SORCS3: variants seen among roughly 807,000 people sequenced by gnomAD.
SORCS3 encodes VPS10 domain-containing receptor SorCS3.
In SORCS3, 57 loss-of-function variants were observed where a neutral mutation model predicts 146.3. The ratio of observed to expected loss-of-function variants is 0.39; its 90% CI spans 0.31 to 0.49. The LOEUF (loss-of-function observed/expected upper bound fraction) is 0.49. SORCS3 is among the 20% of genes least tolerant of loss of function. The probability of loss-of-function intolerance (pLI) is 0.92; values close to 1 mark genes in which losing one functional copy is unlikely to be tolerated. For missense variants in SORCS3, 1,341 were observed against 1,575.5 expected (o/e 0.85, Z 2.52); for synonymous variants, 653 against 618.5 (o/e 1.06, Z -0.83).
intron 2 of SORCS3, among the ~76,000 whole-genome samples, chr10:104,885,212 G>C (rs1239780022): frequency 6.6e-6 from 1 of 152,122 alleles, no homozygotes; most frequent in South Asian, 2.1e-4. Flanking sequence ...CAGCCTGGTG[G>C]AACACTGATG....
chr10:104,741,949 C>T (rs558847935), intron 1 of SORCS3, among the ~76,000 whole-genome samples: 9 of 151,898 alleles, frequency 5.9e-5, no homozygotes, highest in South Asian at 4.2e-4. Context: ...AGTGTTGGCA[C>T]GTATTGTCTT....
chr10:105,203,177 T>C (rs1201864944), intron 16 of SORCS3, among the ~76,000 whole-genome samples: 1 of 152,186 alleles, frequency 6.6e-6, no homozygotes, highest in Non-Finnish European at 1.5e-5. Flanking sequence ...CTTAAACTCA[T>C]ACCTAGGAAA....
Position 105,201,212 on chromosome 10 carries a change from G to T in SORCS3, c.2220G>T (p.Val740=). The T allele has an allele frequency of 6.2e-7, 1 of 1,611,518 alleles. No homozygotes were observed. Among genetic ancestry groups the T allele is most frequent in the Non-Finnish European group, 8.5e-7 (1 of 1,178,812 alleles). The change falls in exon 16 of 27, where the codon GTG becomes GTT. Residue 740 remains valine (V), a synonymous_variant. Transcript: ENST00000369701. ...TGGGCCGAGACCACTCAGGATCAGT[G>T]GTCTCAGAACCCTGTGTCTGTGCCA... ...CALGRDHSGS[V]VSEPCVCANW... is the part of the protein sequence containing the mutation.
chr10:104,686,850 C>G (rs1459433871), intron 1 of SORCS3, among the ~76,000 whole-genome samples: 1 of 152,154 alleles, frequency 6.6e-6, no homozygotes, highest in Non-Finnish European at 1.5e-5. Context: ...TTCATTCATC[C>G]ACCTACCCAT....
chr10:104,777,155 T>A (rs932968936), intron 1 of SORCS3, among the ~76,000 whole-genome samples: 1 of 151,928 alleles, frequency 6.6e-6, no homozygotes, highest in African/African-American at 2.4e-5. Flanking sequence ...GTTGGGAGAG[T>A]TGGCTGGAAA....
At chr10:104,797,713 T>A (rs2133505840) in intron 1 of SORCS3, among the ~76,000 whole-genome samples, 1 of 152,260 alleles carries the variant, frequency 6.6e-6, no homozygotes, top group East Asian at 1.9e-4. Context: ...TCAAGACTGA[T>A]CTCTATATAT....
At chr10:104,929,291 C>T (rs1180821553) in intron 3 of SORCS3, among the ~76,000 whole-genome samples, 1 of 152,140 alleles carries the variant, frequency 6.6e-6, no homozygotes, top group Non-Finnish European at 1.5e-5. Flanking sequence ...GGCTTTTCAC[C>T]AGTTAAATGA....
chr10:105,230,116 G>A (rs538297736), intron 20 of SORCS3, among the ~76,000 whole-genome samples: 1 of 152,238 alleles, frequency 6.6e-6, no homozygotes, highest in South Asian at 2.1e-4. Flanking sequence ...CCAACCTCAG[G>A]TGTCTGGGAG....
At chr10:105,044,552 C>T (rs1423328181) in intron 5 of SORCS3, among the ~76,000 whole-genome samples, 1 of 152,078 alleles carries the variant, frequency 6.6e-6, no homozygotes, top group Non-Finnish European at 1.5e-5. Context: ...ATGGTGGTAA[C>T]AAATACCTTG....
chr10:104,826,969 T>A (rs1369869758), intron 1 of SORCS3, among the ~76,000 whole-genome samples: 2 of 152,206 alleles, frequency 1.3e-5, no homozygotes, highest in Non-Finnish European at 2.9e-5. Context: ...ACTGCTTTCT[T>A]TTCTCATCTG....
At chr10:104,990,500 A>G (rs867753282) in intron 4 of SORCS3, among the ~76,000 whole-genome samples, 2 of 152,110 alleles carry the variant, frequency 1.3e-5, no homozygotes. Context: ...TGTGAGGTCA[A>G]GGATGGGGAT....
chr10:105,093,432 A>G (rs1036674633), intron 6 of SORCS3, among the ~76,000 whole-genome samples: 1 of 152,184 alleles, frequency 6.6e-6, no homozygotes, highest in Non-Finnish European at 1.5e-5. Context: ...GCTTCATCAA[A>G]ATTTACAACT....
chr10:104,779,764 C>T (rs1009398693), intron 1 of SORCS3, among the ~76,000 whole-genome samples: 5 of 152,102 alleles, frequency 3.3e-5, no homozygotes, highest in African/African-American at 9.7e-5. Flanking sequence ...CTGTACCTCC[C>T]GGTGACTATG....
rs531399104 is a variant in SORCS3, at chr10:104,939,172, G to A, written c.795+23240G>A. On this transcript the variant is annotated intron_variant, in intron 3 of 26. Transcript: ENST00000369701. The stretch of plus-strand genomic sequence containing the variant: ...TAGTACCTCTGGCTGGAGGAGACGA[G>A]GAAGGAGGAGTAAAGGAGACATTTA... 4.6e-5 allele frequency among the ~76,000 whole-genome samples: 7 copies of A among 152,324 alleles called. No individual in the cohort carries two copies. The South Asian group carries it at 1.4e-3, about 32-fold the overall frequency.
intron 4 of SORCS3, among the ~76,000 whole-genome samples, chr10:105,017,420 A>G (rs1341000693): frequency 6.6e-6 from 1 of 152,202 alleles, no homozygotes; most frequent in Non-Finnish European, 1.5e-5. Flanking sequence ...AAGAGTATCA[A>G]TTAACCACAA....
chr10:105,264,327 ATT>A lies in SORCS3; in HGVS notation c.*955_*956del, dbSNP rs1810785353. ...TCCTCTCTAAAAGGAAAAACTTGAT[ATT>A]TATCAGTCTGAGAAAATATTTTTTT... On this transcript the variant is annotated 3_prime_UTR_variant, in exon 27 of 27. Transcript: ENST00000369701. The A allele has an allele frequency of 1.3e-5, 2 of 152,196 alleles. No homozygotes were observed. Among genetic ancestry groups the A allele is most frequent in the African/African-American group, 4.8e-5 (2 of 41,444 alleles). 9.4% of individuals were successfully genotyped at this position (152,196 alleles called of 1,614,324 possible).
At chr10:105,180,756 G>A (rs931590688) in intron 14 of SORCS3, among the ~76,000 whole-genome samples, 1 of 151,926 alleles carries the variant, frequency 6.6e-6, no homozygotes, top group African/African-American at 2.4e-5. Context: ...GTGCCTTCCT[G>A]CCCCCAGGTT....
intron 7 of SORCS3, among the ~76,000 whole-genome samples, chr10:105,123,810 A>G (rs1039622893): frequency 6.6e-6 from 1 of 152,206 alleles, no homozygotes; most frequent in Non-Finnish European, 1.5e-5. Context: ...TTCTTGAGCT[A>G]CTGCTATCCA....
chr10:104,681,249 T>G (rs1416791515), intron 1 of SORCS3, among the ~76,000 whole-genome samples: 1 of 152,096 alleles, frequency 6.6e-6, no homozygotes, highest in African/African-American at 2.4e-5. Context: ...GCCTGAGAGA[T>G]GAGAGAGAGC....
Sources: gnomAD v4.1 joint callset for allele counts (sites outside exome capture counted in the v4.1 genomes callset) on GRCh38, gnomAD v4.1.1 for gene constraint, MANE v1.5 for transcripts, NCBI Gene and HGNC (gene_info 2026-07-23, HGNC 2026-07-21) for gene names.